RBFOX1: variants seen among roughly 807,000 people sequenced by gnomAD.
RBFOX1 encodes RNA binding protein fox-1 homolog 1.
A neutral mutation model predicts 57.7 loss-of-function variants in RBFOX1; 8 were observed. The ratio of observed to expected loss-of-function variants is 0.14; its 90% CI spans 0.08 to 0.25. The LOEUF is 0.25. Ranked by LOEUF, RBFOX1 falls within the 10% of genes least tolerant of loss-of-function variation. RBFOX1 has a pLI of 1.00. For missense variants in RBFOX1, 611 were observed against 548.5 expected, an observed-to-expected ratio of 1.11 and a Z score of -1.14; for synonymous variants, 326 against 222.4, an observed-to-expected ratio of 1.47 and a Z score of -4.15.
At chr16:6,221,208 T>C (rs368675138) in intron 1 of RBFOX1, among the ~76,000 whole-genome samples, 2 of 152,232 alleles carry the variant, frequency 1.3e-5, no homozygotes, top group African/African-American at 4.8e-5. Context: ...TAGCAATGTA[T>C]ATAACTACTA....
chr16:5,751,699 T>A (rs2053212125), intron 3 of RBFOX1, among the ~76,000 whole-genome samples: 1 of 152,198 alleles, frequency 6.6e-6, no homozygotes, highest in Non-Finnish European at 1.5e-5. Flanking sequence ...AAAAATACTG[T>A]TAGCTGTAGA....
chr16:7,061,997 C>G (rs577411484), intron 4 of RBFOX1, among the ~76,000 whole-genome samples: 2 of 152,042 alleles, frequency 1.3e-5, no homozygotes, highest in Non-Finnish European at 2.9e-5. Flanking sequence ...CCTGATGATG[C>G]AGACAAACCT....
At position 6,952,298 on chromosome 16, in the gene RBFOX1, T is replaced by G. The variant is rs892775777; in HGVS notation, c.-15-99759T>G. On this transcript the variant is annotated intron_variant, in intron 3 of 15. Coordinates refer to ENST00000550418, the MANE Select transcript of RBFOX1 (RefSeq NM_018723.4). ...AACAAACTTAAAGGTAAAGCTCTTG[T>G]GTGTGCAAAAAAGTAGAACTCCAGT... Among the ~76,000 whole-genome samples, 6 of 152,300 alleles carry G rather than the reference T, an allele frequency of 3.9e-5. No homozygotes were observed. In the East Asian group the frequency reaches 7.7e-4, roughly 20 times the overall value.
At chr16:6,648,199 C>T (rs1017880991) in intron 2 of RBFOX1, among the ~76,000 whole-genome samples, 4 of 152,006 alleles carry the variant, frequency 2.6e-5, no homozygotes, top group Non-Finnish European at 5.9e-5. Flanking sequence ...GTGCATACCA[C>T]CCCACCTAGC....
intron 1 of RBFOX1, among the ~76,000 whole-genome samples, chr16:5,357,839 T>C (rs1439578455): frequency 6.6e-6 from 1 of 152,252 alleles, no homozygotes; most frequent in African/African-American, 2.4e-5. Context: ...TGTAATTTTT[T>C]ATGTGTTCCT....
chr16:7,508,404 C>G (rs534992618), intron 4 of RBFOX1, among the ~76,000 whole-genome samples: 2 of 152,236 alleles, frequency 1.3e-5, no homozygotes, highest in East Asian at 1.9e-4. Context: ...AGAAGTTGGC[C>G]TCTCAGTTGA....
rs151160010 is a variant in RBFOX1 at position 5,553,293 on chromosome 16, T to G, written c.259-45609T>G. ...ACTTAAAGTATAAGAATAAAAAAAG[T>G]AAGGTGTATGCCATATGTCTGAATA... is the stretch of plus-strand genomic sequence containing the variant. On this transcript the variant is annotated intron_variant, in intron 2 of 2. Coordinates refer to the RBFOX1 transcript ENST00000585867. Among the ~76,000 whole-genome samples, 63 of 151,478 alleles carry G rather than the reference T, an allele frequency of 4.2e-4. 1 individual carries two copies. The East Asian group carries it at 0.012, about 28-fold the overall frequency.
chr16:6,769,293 A>AT (rs2077903783), intron 3 of RBFOX1, among the ~76,000 whole-genome samples: 1 of 152,130 alleles, frequency 6.6e-6, no homozygotes, highest in African/African-American at 2.4e-5. Flanking sequence ...GCCTTCCACC[A>AT]TGACTGTGTG....
At chr16:6,944,210 C>G (rs138092828) in intron 3 of RBFOX1, among the ~76,000 whole-genome samples, 1,593 of 152,000 alleles carry the variant, frequency 0.01, 27 homozygotes, top group African/African-American at 0.036. Flanking sequence ...GCCTGCCCAA[C>G]ACAGTGAAAC....
intron 4 of RBFOX1, among the ~76,000 whole-genome samples, chr16:7,179,920 T>C: frequency 6.6e-6 from 1 of 151,860 alleles, no homozygotes; most frequent in Non-Finnish European, 1.5e-5. Context: ...TTTTTTTTTT[T>C]TTAGTAGAGA....
intron 2 of RBFOX1, among the ~76,000 whole-genome samples, chr16:6,617,983 G>A (rs529505018): frequency 6.6e-6 from 1 of 152,118 alleles, no homozygotes; most frequent in Non-Finnish European, 1.5e-5. Context: ...CTTTCAGAAG[G>A]CTACCCTTAT....
chr16:6,185,851 C>G (rs1051805437), intron 1 of RBFOX1, among the ~76,000 whole-genome samples: 1 of 152,160 alleles, frequency 6.6e-6, no homozygotes, highest in African/African-American at 2.4e-5. Context: ...GTTGGATCTT[C>G]TTTCCTTGAC....
chr16:6,388,510 G>A (rs550960543), intron 2 of RBFOX1, among the ~76,000 whole-genome samples: 29 of 151,834 alleles, frequency 1.9e-4, no homozygotes, highest in African/African-American at 5.3e-4. Flanking sequence ...TCTTTTAGTT[G>A]ACAAATAAAA....
chr16:7,702,388 G>A (rs1459379856), intron 14 of RBFOX1, among the ~76,000 whole-genome samples: 1 of 151,936 alleles, frequency 6.6e-6, no homozygotes, highest in Non-Finnish European at 1.5e-5. Flanking sequence ...CCTCTCTGCA[G>A]TTGCAGAATT....
intron 4 of RBFOX1, among the ~76,000 whole-genome samples, chr16:7,164,048 A>T (rs147834412): frequency 0.01 from 1,543 of 152,148 alleles, 27 homozygotes; most frequent in African/African-American, 0.035. Context: ...GATTTCTGAG[A>T]TTTTGGTGCA....
At chr16:6,702,423 A>G (rs1319542655) in intron 3 of RBFOX1, among the ~76,000 whole-genome samples, 1 of 152,152 alleles carries the variant, frequency 6.6e-6, no homozygotes, top group East Asian at 1.9e-4. Flanking sequence ...GCGTGCTGGC[A>G]TATGCCTGTA....
intron 4 of RBFOX1, among the ~76,000 whole-genome samples, chr16:7,429,453 C>T (rs1426805516): frequency 6.6e-6 from 1 of 152,242 alleles, no homozygotes; most frequent in African/African-American, 2.4e-5. Flanking sequence ...ATTCTCTCTG[C>T]CAGCACACTG....
intron 4 of RBFOX1, among the ~76,000 whole-genome samples, chr16:5,985,383 G>C (rs988311257): frequency 2.6e-5 from 4 of 151,970 alleles, no homozygotes; most frequent in African/African-American, 9.7e-5. Flanking sequence ...TATTAATTCA[G>C]TCCCTTCTCT....
chr16:5,909,179 G>A (rs138997355), intron 4 of RBFOX1, among the ~76,000 whole-genome samples: 1,616 of 136,520 alleles, frequency 0.012, 31 homozygotes, highest in African/African-American at 0.042. Context: ...TGCAAGCTCC[G>A]CCTCCCGGGT....
Sources: gnomAD v4.1 joint callset for allele counts (sites outside exome capture counted in the v4.1 genomes callset) on GRCh38, gnomAD v4.1.1 for gene constraint, MANE v1.5 for transcripts, NCBI Gene and HGNC (gene_info 2026-07-23, HGNC 2026-07-21) for gene names.